Variants in ASPDH observed in about 807,000 individuals in gnomAD.
ASPDH encodes aspartate dehydrogenase domain-containing protein.
ASPDH carries 25 observed loss-of-function variants against 30.5 expected under a neutral mutation model. That is an observed-to-expected ratio of 0.82 (90% CI 0.60 to 1.14). The LOEUF (loss-of-function observed/expected upper bound fraction) is 1.14. ASPDH is among the 50% of genes most tolerant of loss of function. The pLI, the probability that ASPDH is intolerant of heterozygous loss-of-function variation, is 0.00. For missense variants in ASPDH, 401 were observed against 381.5 expected, an observed-to-expected ratio of 1.05 and a Z score of -0.43; for synonymous variants, 168 against 156.3, an observed-to-expected ratio of 1.07 and a Z score of -0.56.
rs914192426 is a variant in ASPDH, at chr19:50,512,820, A to G, written c.283-10T>C. The G allele has an allele frequency of 1.9e-6, 3 of 1,600,874 alleles. No homozygotes were observed. The highest frequency in any genetic ancestry group is 2.6e-6 in the Non-Finnish European group (3 of 1,173,372). The stretch of plus-strand genomic sequence containing the variant: ...CTGAGGGGGACCCCACCTGGGGTGG[A>G]TGAAGGAGGGGAGGGTTGAGGTCAG... On this transcript the variant is annotated splice_polypyrimidine_tract_variant and intron_variant, in intron 3 of 6. Coordinates refer to ENST00000389208, the MANE Select transcript of ASPDH (RefSeq NM_001114598.2).
chr19:50,512,233 G>A lies in ASPDH; in HGVS notation c.711C>T (p.Gly237=), dbSNP rs759582417. Residue 237 remains glycine, a synonymous_variant, in exon 6 of 7, where the codon GGC becomes GGT. Transcript: ENST00000389208. ...VELSGPRGPT[G]RSFAVHTRRE... is the part of the protein sequence containing the mutation. ...TGCGGGTGTGCACAGCAAAGCTTCG[G>A]CCCGTGGGGCCCCGGGGTCCGCTCA... 5 of 1,612,198 alleles carry A rather than the reference G, an allele frequency of 3.1e-6. No individual in the cohort carries two copies. The highest frequency in any genetic ancestry group is 4.2e-6 in the Non-Finnish European group (5 of 1,179,584).
chr19:50,513,463 C>G lies in ASPDH; in HGVS notation c.53-47G>C, dbSNP rs1980087191. 1 of 1,440,770 alleles carries G rather than the reference C, an allele frequency of 6.9e-7. No individual in the cohort carries two copies. The highest frequency in any genetic ancestry group is 1.5e-5 in the South Asian group (1 of 66,700). The allele number at this position is 1,440,770 out of a possible 1,614,324, so 89.2% of individuals were successfully genotyped here. ...GGCTAGAGATCCAGAGAGAGGGGGA[C>G]AGAGACCCAGAGAGAGAGGAGGTGG... On this transcript the variant is annotated intron_variant, in intron 1 of 6. Transcript: ENST00000389208. This position sits in a 1 kb window ranked among gnomAD's most constrained non-coding sequence, Gnocchi z 4.9.
chr19:50,514,901 G>C, upstream of ASPDH: 7 of 985,420 alleles, frequency 7.1e-6, no homozygotes, highest in Non-Finnish European at 8.4e-6. Context: ...ACCCCGACGT[G>C]GCACCCAAAG....
chr19:50,513,563 G>A lies in ASPDH; in HGVS notation c.53-147C>T, dbSNP rs2122736150. 1.1e-6 allele frequency: 1 copy of A among 883,714 alleles called. No individual in the cohort carries two copies. Among genetic ancestry groups the A allele is most frequent in the Non-Finnish European group, 1.7e-6 (1 of 583,840 alleles). 54.7% of individuals were successfully genotyped at this position (883,714 alleles called of 1,614,324 possible). On this transcript the variant is annotated intron_variant, in intron 1 of 6. Transcript: ENST00000389208. This position sits in a 1 kb window ranked among gnomAD's most constrained non-coding sequence, Gnocchi z 4.9. ...GTAGGGAGACAGAGATGGGGGCAGG[G>A]CAGAGACACAGTGGGGTGGACAGAG...
In ASPDH at chr19:50,512,231, C is replaced by T. The variant is rs774539446; in HGVS notation, c.713G>A (p.Arg238Gln). ...ELSGPRGPTG[R>Q]SFAVHTRREN... Reference sequence around the variant, plus strand: ...TCTGCGGGTGTGCACAGCAAAGCTTCGGCCCGTGGGGCCCCGGGGTCCGCT... The same window carrying T: ...TCTGCGGGTGTGCACAGCAAAGCTTTGGCCCGTGGGGCCCCGGGGTCCGCT... The change falls in exon 6 of 7, where the codon CGA becomes CAA. Residue 238 changes from arginine (R) to glutamine (Q), a missense_variant. Arg to Gln is a conservative substitution (Grantham distance 43). Coordinates refer to ENST00000389208, the MANE Select transcript of ASPDH (RefSeq NM_001114598.2). 73 of 1,611,946 alleles carry T rather than the reference C, an allele frequency of 4.5e-5. No individual in the cohort carries two copies. The highest frequency in any genetic ancestry group is 5.8e-5 in the Non-Finnish European group (68 of 1,179,582).
rs953479517 is a variant in ASPDH at position 50,511,867 on chromosome 19, G to C, written c.809-94C>G. ...GTGGTGGGAGGAGGGGACAGGGCAG[G>C]GGGGCGGTGGAGGAAGACCCGGAGA... On this transcript the variant is annotated intron_variant, in intron 6 of 6. Coordinates refer to ENST00000389208, the MANE Select transcript of ASPDH (RefSeq NM_001114598.2). The C allele has an allele frequency of 5.8e-6, 5 of 864,552 alleles. No individual in the cohort carries two copies. In the Admixed American group the frequency reaches 1.8e-4, roughly 32 times the overall value. 53.6% of individuals were successfully genotyped at this position (864,552 alleles called of 1,614,324 possible).
At chr19:50,511,950 G>GCATAGAGACTCAGGGGACGCGGA in intron 6 of ASPDH, 177 bp from the exon 7 acceptor site, 2 of 665,098 alleles carry the variant, frequency 3.0e-6, no homozygotes, top group African/African-American at 1.9e-5. Flanking sequence ...TCAGAGGCGG[G>GCATAGAGACTCAGGGGACGCGGA]CACAAATGGA....
At position 50,513,692 on chromosome 19, in the gene ASPDH, A is replaced by C. The variant is rs1177481037; in HGVS notation, c.52+80T>G. 8.9e-7 allele frequency: 1 copy of C among 1,121,212 alleles called. No homozygotes were observed. Among genetic ancestry groups the C allele is most frequent in the East Asian group, 2.6e-5 (1 of 38,622 alleles). The allele number at this position is 1,121,212 out of a possible 1,614,324, so 69.5% of individuals were successfully genotyped here. On this transcript the variant is annotated intron_variant, in intron 1 of 6. Transcript: ENST00000389208. The surrounding 1 kb of genome is among the most constrained non-coding windows in gnomAD (Gnocchi z 4.9). ...CCAGGGGCAGATAGAGAGAGAAAAA[A>C]GTGTTTGTGGAGGGCAGAGAGTCTT...
At chr19:50,514,845 C>T (rs374439626), upstream of ASPDH, 14 of 985,266 alleles carry the variant, frequency 1.4e-5, no homozygotes, top group African/African-American at 2.3e-4. Flanking sequence ...CCCAAGTTGA[C>T]GGGAGGAGAG....
In ASPDH at chr19:50,512,647, C is replaced by T; in HGVS notation, c.432+14G>A. Reference sequence around the variant, plus strand: ...AGGCCTCCCCTGGTTCCTGGGGAGCCCAGCAGGCCTCACCCGGAGGCCCCC... The same window carrying T: ...AGGCCTCCCCTGGTTCCTGGGGAGCTCAGCAGGCCTCACCCGGAGGCCCCC... On this transcript the variant is annotated intron_variant, in intron 4 of 6. Transcript: ENST00000389208. The T allele has an allele frequency of 6.6e-7, 1 of 1,522,166 alleles. No homozygotes were observed. Among genetic ancestry groups the T allele is most frequent in the Non-Finnish European group, 8.8e-7 (1 of 1,134,200 alleles). 94.3% of individuals were successfully genotyped at this position (1,522,166 alleles called of 1,614,324 possible). A position where few individuals can be genotyped will look rare whatever the true frequency, so the allele number is the denominator to read the frequency against.
chr19:50,512,630 C>A, intron 4 of ASPDH, 31 bp downstream of exon 4: 1 of 1,512,138 alleles, frequency 6.6e-7, no homozygotes. Flanking sequence ...GCAGGCCTCC[C>A]CTGGTTCCTG....
upstream of ASPDH, chr19:50,514,592 A>G (rs1980150069): frequency 2.5e-6 from 4 of 1,611,162 alleles, no homozygotes; most frequent in East Asian, 8.9e-5. Context: ...GCCCAGGAGA[A>G]GCCTTCGAGG....
upstream of ASPDH, chr19:50,514,965 G>C (rs1980172885): frequency 2.0e-6 from 2 of 985,456 alleles, no homozygotes; most frequent in African/African-American, 3.5e-5. Flanking sequence ...AGCCCCCGGT[G>C]TGGGAGAGAT....
chr19:50,514,870 G>A, upstream of ASPDH: 1 of 984,974 alleles, frequency 1.0e-6, no homozygotes, highest in Non-Finnish European at 1.2e-6. Context: ...GACAGACGCG[G>A]GCAGACAGAG....
At chr19:50,514,642 C>G, upstream of ASPDH, 1 of 1,590,058 alleles carries the variant, frequency 6.3e-7, no homozygotes, top group Non-Finnish European at 8.5e-7. Flanking sequence ...GCCCCAGCCT[C>G]TGTGCCTTGA....
At position 50,512,378 on chromosome 19, in the gene ASPDH, A is replaced by C. The variant is rs757550247; in HGVS notation, c.635T>G (p.Val212Gly). The change falls in exon 5 of 7, where the codon GTG becomes GGG. Residue 212 changes from valine (V) to glycine (G), a missense_variant. By Grantham distance (109) the Val-to-Gly change is moderately radical. Transcript: ENST00000389208. ...TGCTCACCTGGTATCAGCCACGAGC[A>C]CCCCAATCACCCCATCGAAGCCCAG... ...PSLGFDGVIG[V>G]LVADTSLTDM... 1 of 1,613,818 alleles carries C rather than the reference A, an allele frequency of 6.2e-7. No individual in the cohort carries two copies. The highest frequency in any genetic ancestry group is 1.1e-5 in the South Asian group (1 of 91,080).
Position 50,511,694 on chromosome 19 carries a change from A to C in ASPDH, c.*36T>G. 2 of 1,277,854 alleles carry C rather than the reference A, an allele frequency of 1.6e-6. No homozygotes were observed. The allele number at this position is 1,277,854 out of a possible 1,614,324, so 79.2% of individuals were successfully genotyped here. The stretch of plus-strand genomic sequence containing the variant: ...GGTGGGATGGTGGTGGTGAGAGGCC[A>C]GGCAGATGATCTTGTCTCGGGAGGG... On this transcript the variant is annotated 3_prime_UTR_variant, in exon 7 of 7. Transcript: ENST00000389208.
In ASPDH at chr19:50,513,670, G is replaced by C; in HGVS notation, c.52+102C>G. The stretch of plus-strand genomic sequence containing the variant: ...GTGGGCAGACCCAGAGACACAGCCA[G>C]GGGCAGATAGAGAGAGAAAAAAGTG... On this transcript the variant is annotated intron_variant, in intron 1 of 6. Coordinates refer to ENST00000389208, the MANE Select transcript of ASPDH (RefSeq NM_001114598.2). This position sits in a 1 kb window ranked among gnomAD's most constrained non-coding sequence, Gnocchi z 4.9. 1 of 941,914 alleles carries C rather than the reference G, an allele frequency of 1.1e-6. No homozygotes were observed. Among genetic ancestry groups the C allele is most frequent in the East Asian group, 2.6e-5 (1 of 37,876 alleles). The allele number at this position is 941,914 out of a possible 1,614,324, so 58.3% of individuals were successfully genotyped here. A position where few individuals can be genotyped will look rare whatever the true frequency, so the allele number is the denominator to read the frequency against.
chr19:50,511,932 A>T, intron 6 of ASPDH, 159 bp from the exon 7 acceptor site: 1 of 361,468 alleles, frequency 2.8e-6, no homozygotes, highest in Non-Finnish European at 4.3e-6. Context: ...AGACAGAGAG[A>T]GTCTCGATCA....
Sources: gnomAD v4.1 joint callset for allele counts on GRCh38, gnomAD v4.1.1 for gene constraint, Gnocchi (gnomAD v3.1) non-coding constraint, MANE v1.5 for transcripts, NCBI Gene and HGNC (gene_info 2026-07-23, HGNC 2026-07-21) for gene names.